Variants in ZNF215 observed in about 807,000 individuals in gnomAD.
ZNF215 encodes BWSCR2-associated zinc finger protein 2.
ZNF215 carries 24 observed loss-of-function variants against 27.2 expected under a neutral mutation model. The ratio of observed to expected loss-of-function variants is 0.88; its 90% CI spans 0.64 to 1.24. The LOEUF (loss-of-function observed/expected upper bound fraction) is 1.24, where lower values mean the gene tolerates loss of function less well. ZNF215 is among the 50% of genes most tolerant of loss of function. The probability of loss-of-function intolerance (pLI) is 0.00; values close to 1 mark genes in which losing one functional copy is unlikely to be tolerated. For missense variants in ZNF215, 675 were observed against 605.7 expected (o/e 1.11, Z -1.20); for synonymous variants, 210 against 204.0 (o/e 1.03, Z -0.25).
rs1472981427 is a variant in ZNF215, at chr11:6,957,675, G to C, written c.*1144G>C. On this transcript the variant is annotated 3_prime_UTR_variant, in exon 7 of 7. Coordinates refer to ENST00000278319, the MANE Select transcript of ZNF215 (RefSeq NM_013250.4). ...ATTAGTCTATGGTAAAATTGGTTTT[G>C]TTATACATCATTTCACTTAAAGTTG... The C allele has an allele frequency of 2.2e-6, 2 of 909,368 alleles. No individual in the cohort carries two copies. Among genetic ancestry groups the C allele is most frequent in the African/African-American group, 3.6e-5 (2 of 55,564 alleles). The allele number at this position is 909,368 out of a possible 1,614,324, so 56.3% of individuals were successfully genotyped here.
chr11:6,950,282 G>A (rs1414882606), intron 6 of ZNF215, among the ~76,000 whole-genome samples: 1 of 148,200 alleles, frequency 6.7e-6, no homozygotes, highest in Non-Finnish European at 1.5e-5. Context: ...GTCATTGGTA[G>A]CTTGATGGGG....
chr11:6,959,616 T>A (rs1022052295), downstream of ZNF215, among the ~76,000 whole-genome samples: 3 of 152,146 alleles, frequency 2.0e-5, no homozygotes, highest in African/African-American at 7.2e-5. Flanking sequence ...AAAAATAATC[T>A]TGAATAAGAG....
intron 3 of ZNF215, among the ~76,000 whole-genome samples, chr11:6,938,109 A>G (rs745479883): frequency 2.6e-5 from 4 of 152,056 alleles, no homozygotes; most frequent in African/African-American, 4.8e-5. Flanking sequence ...TAAGGGTCCA[A>G]TATCAGGAAA....
At chr11:6,972,241 T>C (rs2133336829) in intron 5 of ZNF215, among the ~76,000 whole-genome samples, 1 of 152,220 alleles carries the variant, frequency 6.6e-6, no homozygotes, top group South Asian at 2.1e-4. Flanking sequence ...GGTTATATAG[T>C]CACTCTTTGT....
intron 6 of ZNF215, among the ~76,000 whole-genome samples, chr11:6,951,299 G>C (rs1041058034): frequency 3.3e-5 from 5 of 151,970 alleles, no homozygotes; most frequent in Non-Finnish European, 5.9e-5. Context: ...AATAGTTTCA[G>C]AAGGAATGGT....
chr11:6,950,544 G>T (rs1850012849), intron 6 of ZNF215, among the ~76,000 whole-genome samples: 1 of 151,566 alleles, frequency 6.6e-6, no homozygotes, highest in Non-Finnish European at 1.5e-5. Context: ...GTCTGTTATT[G>T]GTGTATAAGA....
downstream of ZNF215, among the ~76,000 whole-genome samples, chr11:6,985,285 TAAAAG>T (rs747513358): frequency 5.3e-5 from 8 of 151,956 alleles, no homozygotes; most frequent in Admixed American, 1.3e-4. Context: ...AAAACATAAT[TAAAAG>T]GAAAAAAACT....
chr11:6,954,483 A>G (rs1405379247), intron 6 of ZNF215, among the ~76,000 whole-genome samples: 2 of 152,156 alleles, frequency 1.3e-5, no homozygotes, highest in Non-Finnish European at 2.9e-5. Flanking sequence ...TTGCAGTTTG[A>G]TGTCAGACTG....
At chr11:6,947,430 C>T (rs1849857841) in intron 6 of ZNF215, among the ~76,000 whole-genome samples, 2 of 152,046 alleles carry the variant, frequency 1.3e-5, no homozygotes, top group Admixed American at 1.3e-4. Flanking sequence ...TGGTGCATAC[C>T]TGTAATCGTA....
intron 6 of ZNF215, among the ~76,000 whole-genome samples, chr11:6,948,630 A>T (rs1490669095): frequency 6.6e-6 from 1 of 152,206 alleles, no homozygotes; most frequent in Non-Finnish European, 1.5e-5. Context: ...GAAAACAAGG[A>T]ACAGTAATGT....
downstream of ZNF215, chr11:6,988,225 A>G (rs755679146): frequency 2.0e-6 from 2 of 985,516 alleles, no homozygotes; most frequent in Non-Finnish European, 2.4e-6. Context: ...GGGAGAACAC[A>G]CTGAAGGAAG....
chr11:6,945,098 A>G (rs1232585747), intron 6 of ZNF215, among the ~76,000 whole-genome samples: 1 of 152,168 alleles, frequency 6.6e-6, no homozygotes, highest in Non-Finnish European at 1.5e-5. Context: ...AGGTTATACC[A>G]ATTCATACTC....
intron 4 of ZNF215, among the ~76,000 whole-genome samples, chr11:6,942,670 C>T (rs1218793117): frequency 1.3e-5 from 2 of 152,138 alleles, no homozygotes; most frequent in Non-Finnish European, 2.9e-5. Flanking sequence ...TGCCCTACCT[C>T]TCCTTCCAGC....
chr11:6,982,339 A>G (rs1403915090), intron 5 of ZNF215, among the ~76,000 whole-genome samples: 1 of 152,134 alleles, frequency 6.6e-6, no homozygotes, highest in Non-Finnish European at 1.5e-5. Flanking sequence ...TCAACATTAG[A>G]CAGATCAACG....
In ZNF215 at chr11:6,943,440, A is replaced by T. The variant is rs113722833; in HGVS notation, c.617-106A>T. On this transcript the variant is annotated intron_variant, in intron 5 of 6. Coordinates refer to ENST00000278319, the MANE Select transcript of ZNF215 (RefSeq NM_013250.4). ...TGGTGCTCTTCTGGCCTTACCCTTC[A>T]GCAGCTTGGATTACTGTGTCGGGAT... is the stretch of plus-strand genomic sequence containing the variant. 98 of 1,199,096 alleles carry T rather than the reference A, an allele frequency of 8.2e-5. No homozygotes were observed. The African/African-American group carries it at 1.3e-3, about 16-fold the overall frequency. 74.3% of individuals were successfully genotyped at this position (1,199,096 alleles called of 1,614,324 possible).
At chr11:6,933,624 A>G (rs1337542587) in intron 3 of ZNF215, among the ~76,000 whole-genome samples, 2 of 151,898 alleles carry the variant, frequency 1.3e-5, no homozygotes, top group Non-Finnish European at 2.9e-5. Context: ...CGTCTCTACT[A>G]AAAATACAAA....
At chr11:6,943,417 G>A (rs1849697784) in intron 5 of ZNF215, 129 bp from the exon 6 acceptor site, 5 of 1,100,298 alleles carry the variant, frequency 4.5e-6, no homozygotes, top group Non-Finnish European at 6.5e-6. Context: ...CAAGTCTATG[G>A]TGCTCTTCTG....
chr11:6,973,095 C>T (rs12418124), intron 5 of ZNF215, among the ~76,000 whole-genome samples: 2 of 151,852 alleles, frequency 1.3e-5, no homozygotes, highest in Non-Finnish European at 2.9e-5. Flanking sequence ...CCCTTCCTGT[C>T]TCCAAGTGTT....
intron 6 of ZNF215, among the ~76,000 whole-genome samples, chr11:6,955,237 T>C (rs1209795299): frequency 6.6e-6 from 1 of 152,204 alleles, no homozygotes; most frequent in Non-Finnish European, 1.5e-5. Context: ...TTTTAGCTGG[T>C]TAAGGTATGG....
Sources: gnomAD v4.1 joint callset for allele counts (sites outside exome capture counted in the v4.1 genomes callset) on GRCh38, gnomAD v4.1.1 for gene constraint, MANE v1.5 for transcripts, NCBI Gene and HGNC (gene_info 2026-07-23, HGNC 2026-07-21) for gene names.